Variants in EYS observed in about 807,000 individuals in gnomAD.
EYS encodes protein eyes shut homolog.
A neutral mutation model predicts 282.1 loss-of-function variants in EYS; 250 were observed. The ratio of observed to expected loss-of-function variants is 0.89; its 90% CI spans 0.80 to 0.98. EYS has a LOEUF of 0.98. Ranked by LOEUF, EYS falls within the 50% of genes least tolerant of loss-of-function variation. The pLI is 0.00. For synonymous variants in EYS, 1,355 were observed against 1,282.9 expected, an observed-to-expected ratio of 1.06 and a Z score of -1.20; for missense variants, 4,016 against 3,709.0, an observed-to-expected ratio of 1.08 and a Z score of -2.15.
intron 26 of EYS, among the ~76,000 whole-genome samples, chr6:64,447,486 TTTATA>T (rs1775152879): frequency 6.6e-6 from 1 of 152,056 alleles, no homozygotes; most frequent in Non-Finnish European, 1.5e-5. Context: ...AATGTAAAGA[TTTATA>T]TTATATGAAA....
chr6:64,709,117 A>T, intron 22 of EYS, among the ~76,000 whole-genome samples: 1 of 152,196 alleles, frequency 6.6e-6, no homozygotes, highest in South Asian at 2.1e-4. Flanking sequence ...AAAAGTCTGG[A>T]AAAATGATGA....
At chr6:65,092,066 T>G (rs1297260087) in intron 12 of EYS, among the ~76,000 whole-genome samples, 1 of 152,142 alleles carries the variant, frequency 6.6e-6, no homozygotes, top group Non-Finnish European at 1.5e-5. Flanking sequence ...AATTTATATT[T>G]TTGTGAATTA....
chr6:64,899,595 C>T (rs1583275126), intron 18 of EYS, among the ~76,000 whole-genome samples: 1 of 152,086 alleles, frequency 6.6e-6, no homozygotes, highest in Non-Finnish European at 1.5e-5. Context: ...CATTAATAGA[C>T]AGAGAACCAA....
At chr6:64,672,661 C>T (rs942637075) in intron 22 of EYS, among the ~76,000 whole-genome samples, 4 of 152,142 alleles carry the variant, frequency 2.6e-5, no homozygotes, top group African/African-American at 9.7e-5. Flanking sequence ...TGAGACCTTA[C>T]GCAACTAAAC....
At chr6:65,101,258 T>C (rs1029116380) in intron 12 of EYS, among the ~76,000 whole-genome samples, 4 of 151,114 alleles carry the variant, frequency 2.6e-5, no homozygotes, top group East Asian at 1.9e-4. Flanking sequence ...TTGAAAACAT[T>C]TGAAGTTTTT....
intron 2 of EYS, among the ~76,000 whole-genome samples, chr6:65,576,442 G>A (rs1764671123): frequency 6.6e-6 from 1 of 151,674 alleles, no homozygotes; most frequent in African/African-American, 2.4e-5. Flanking sequence ...CACAACAAAG[G>A]CCATGTATGA....
At chr6:64,294,629 A>G (rs1054779720) in intron 30 of EYS, among the ~76,000 whole-genome samples, 3 of 152,198 alleles carry the variant, frequency 2.0e-5, no homozygotes, top group Non-Finnish European at 2.9e-5. Context: ...TTCAATTCTC[A>G]TAGTGTCATC....
chr6:64,146,199 C>T (rs563822723), intron 31 of EYS, among the ~76,000 whole-genome samples: 2 of 152,160 alleles, frequency 1.3e-5, no homozygotes, highest in South Asian at 4.2e-4. Context: ...TTAGCTATTT[C>T]TAGCTATCCT....
In EYS at chr6:64,496,140, T is replaced by C. The variant is rs567895295; in HGVS notation, c.5645-56788A>G. Among the ~76,000 whole-genome samples the C allele has an allele frequency of 2.8e-4, 43 of 151,974 alleles. No individual in the cohort carries two copies. The East Asian group carries it at 6.2e-3, about 22-fold the overall frequency. ...GTGTCCACAGCTAGGAAAATATATA[T>C]TATTTAAATAAAGAGGAAATTTCTG... On this transcript the variant is annotated intron_variant, in intron 26 of 42. Transcript: ENST00000503581.
chr6:65,526,669 G>C (rs1016575416), intron 2 of EYS, among the ~76,000 whole-genome samples: 11 of 152,132 alleles, frequency 7.2e-5, no homozygotes, highest in Non-Finnish European at 1.6e-4. Context: ...ACCTGGGCGT[G>C]GTGTCGGGCG....
chr6:64,340,044 T>C (rs568749844), intron 29 of EYS, among the ~76,000 whole-genome samples: 11 of 1,084 alleles, frequency 0.01, no homozygotes, highest in African/African-American at 0.062. Flanking sequence ...CAATAATCTA[T>C]GAAAAAAAAT....
intron 30 of EYS, among the ~76,000 whole-genome samples, chr6:64,288,533 G>A (rs1310051757): frequency 2.0e-5 from 3 of 151,896 alleles, no homozygotes; most frequent in Non-Finnish European, 4.4e-5. Flanking sequence ...TCATTTATAC[G>A]GCCTTCAACA....
intron 28 of EYS, among the ~76,000 whole-genome samples, chr6:64,404,734 G>A (rs1451285160): frequency 6.6e-6 from 1 of 152,168 alleles, no homozygotes; most frequent in African/African-American, 2.4e-5. Flanking sequence ...TCCAAAGGAA[G>A]TGAGATTTGA....
At chr6:65,124,873 C>T (rs147901474) in intron 12 of EYS, among the ~76,000 whole-genome samples, 132 of 152,252 alleles carry the variant, frequency 8.7e-4, no homozygotes, top group African/African-American at 3.0e-3. Flanking sequence ...GTTTCTTGTA[C>T]AAAACTAGTC....
chr6:65,386,006 CAT>C (rs902342326), intron 7 of EYS, among the ~76,000 whole-genome samples: 4 of 151,860 alleles, frequency 2.6e-5, no homozygotes, highest in South Asian at 2.1e-4. Context: ...GTTAAAGACA[CAT>C]GTGACTTTCG....
chr6:64,651,914 G>T (rs1000372035), intron 22 of EYS, among the ~76,000 whole-genome samples: 1 of 152,052 alleles, frequency 6.6e-6, no homozygotes, highest in African/African-American at 2.4e-5. Context: ...CTTATCAAAA[G>T]ATTTTGCTGT....
intron 26 of EYS, among the ~76,000 whole-genome samples, chr6:64,589,095 T>C (rs1056554516): frequency 3.3e-5 from 5 of 152,092 alleles, no homozygotes; most frequent in African/African-American, 1.2e-4. Context: ...TGAGAAATGA[T>C]GTATTAGGCA....
chr6:65,286,122 A>G (rs1768355430), intron 12 of EYS, among the ~76,000 whole-genome samples: 1 of 151,940 alleles, frequency 6.6e-6, no homozygotes, highest in African/African-American at 2.4e-5. Flanking sequence ...CTCATTGAAA[A>G]TGTGTCATTT....
chr6:64,416,488 G>A (rs1329528481), intron 28 of EYS, among the ~76,000 whole-genome samples: 1 of 146,050 alleles, frequency 6.8e-6, no homozygotes, highest in Non-Finnish European at 1.5e-5. Flanking sequence ...CTCTGCATGA[G>A]TTTTATGAGT....
Sources: allele counts gnomAD v4.1 joint callset (sites outside exome capture counted in the v4.1 genomes callset), GRCh38; gene constraint gnomAD v4.1.1; transcripts MANE v1.5; gene names NCBI Gene and HGNC (gene_info 2026-07-23, HGNC 2026-07-21).